ULK4: variants seen among roughly 807,000 people sequenced by gnomAD.
ULK4 encodes unc-51 like kinase 4.
In ULK4, 133 loss-of-function variants were observed where a neutral mutation model predicts 160.6. The observed-to-expected ratio is 0.83, with a 90% CI of 0.72 to 0.96. The LOEUF is 0.96. ULK4 is among the 40% of genes least tolerant of loss of function. The pLI is 0.00. For missense variants in ULK4, 1,580 were observed against 1,499.5 expected (o/e 1.05, Z -0.89); for synonymous variants, 534 against 539.8 (o/e 0.99, Z 0.15).
chr3:41,904,327 G>A (rs1360107920), intron 12 of ULK4, among the ~76,000 whole-genome samples: 4 of 151,974 alleles, frequency 2.6e-5, no homozygotes, highest in Non-Finnish European at 4.4e-5. Flanking sequence ...TACTCAGGAG[G>A]CTGAGATGAG....
At chr3:41,754,566 A>G (rs1017337046) in intron 21 of ULK4, 78 bp from the exon 22 acceptor site, 3 of 1,371,446 alleles carry the variant, frequency 2.2e-6, no homozygotes, top group African/African-American at 1.5e-5. Context: ...TGAACAGACT[A>G]TAATAATCAA....
chr3:41,631,494 C>T (rs1358126740), intron 30 of ULK4, among the ~76,000 whole-genome samples: 2 of 152,186 alleles, frequency 1.3e-5, no homozygotes, highest in Non-Finnish European at 2.9e-5. Context: ...TTAGGGAAAT[C>T]ATCCATTGCC....
At chr3:41,956,162 A>C (rs58402974) in intron 1 of ULK4, among the ~76,000 whole-genome samples, 1,899 of 152,312 alleles carry the variant, frequency 0.012, 35 homozygotes, top group African/African-American at 0.043. Flanking sequence ...TTGGTTTGCA[A>C]CTTTGTAACT....
chr3:41,383,593 G>A (rs753631958), intron 35 of ULK4, among the ~76,000 whole-genome samples: 7 of 152,118 alleles, frequency 4.6e-5, no homozygotes, highest in Non-Finnish European at 8.8e-5. Context: ...TCAGGAAAAC[G>A]CCATAGGAAC....
intron 35 of ULK4, among the ~76,000 whole-genome samples, chr3:41,352,588 C>G (rs1006252090): frequency 6.6e-6 from 1 of 152,172 alleles, no homozygotes; most frequent in African/African-American, 2.4e-5. Flanking sequence ...TCCTCATGCT[C>G]TCAGTCCTGT....
chr3:41,783,570 T>C (rs1447503390), intron 21 of ULK4, among the ~76,000 whole-genome samples: 1 of 151,374 alleles, frequency 6.6e-6, no homozygotes, highest in Non-Finnish European at 1.5e-5. Context: ...GATGGGGTCT[T>C]ATCATGTTGT....
In ULK4 at chr3:41,895,670, G is replaced by T. The variant is rs901402866; in HGVS notation, c.1531-106C>A. 5.5e-6 allele frequency: 3 copies of T among 541,758 alleles called. No individual in the cohort carries two copies. In the African/African-American group the frequency reaches 5.9e-5, roughly 11 times the overall value. The allele number at this position is 541,758 out of a possible 1,614,324, so 33.6% of individuals were successfully genotyped here. A position where few individuals can be genotyped will look rare whatever the true frequency, so the allele number is the denominator to read the frequency against. ...TAACAGCTCAGGACTTTATACAAAG[G>T]AAATTTACACTGTACACCAAAAATG... On this transcript the variant is annotated intron_variant, in intron 15 of 36. Transcript: ENST00000301831.
intron 3 of ULK4, chr3:41,937,126 A>G (rs1340168988): frequency 2.3e-6 from 1 of 443,774 alleles, no homozygotes; most frequent in Non-Finnish European, 4.0e-6. Context: ...AAAGTTGAAT[A>G]TGAATTACTA....
intron 16 of ULK4, among the ~76,000 whole-genome samples, chr3:41,891,798 G>A (rs1299042067): frequency 1.2e-4 from 19 of 152,090 alleles, no homozygotes; most frequent in African/African-American, 4.1e-4. Flanking sequence ...CCAGCTACTC[G>A]GGAGGCTGAA....
intron 32 of ULK4, among the ~76,000 whole-genome samples, chr3:41,528,917 A>G (rs80104297): frequency 0.028 from 4,301 of 152,328 alleles, 183 homozygotes; most frequent in African/African-American, 0.093. Context: ...CATGTACAAC[A>G]AACCCCCGTG....
Position 41,909,869 on chromosome 3 carries a change from T to C in ULK4, c.1085+1448A>G, listed in dbSNP as rs1024050968. On this transcript the variant is annotated intron_variant, in intron 11 of 36. Coordinates refer to ENST00000301831, the MANE Select transcript of ULK4 (RefSeq NM_017886.4). ...AACTATTTCTCTACGTTAAAAAATA[T>C]TTTAAATACTTTAAATATTTACATA... Among the ~76,000 whole-genome samples, 10 of 152,346 alleles carry C rather than the reference T, an allele frequency of 6.6e-5. No individual in the cohort carries two copies. The East Asian group carries it at 1.7e-3, about 26-fold the overall frequency.
At chr3:41,928,842 A>T (rs1032187204) in intron 5 of ULK4, among the ~76,000 whole-genome samples, 1 of 152,178 alleles carries the variant, frequency 6.6e-6, no homozygotes, top group Non-Finnish European at 1.5e-5. Flanking sequence ...TTGAGGCAGT[A>T]ATTAATAGCC....
At chr3:41,394,407 A>C (rs1575507252) in intron 35 of ULK4, among the ~76,000 whole-genome samples, 1 of 152,156 alleles carries the variant, frequency 6.6e-6, no homozygotes, top group African/African-American at 2.4e-5. Flanking sequence ...TAAACCCATC[A>C]TAATGTAAGT....
At chr3:41,398,737 TCAAA>T (rs1293521802) in intron 34 of ULK4, among the ~76,000 whole-genome samples, 1 of 152,004 alleles carries the variant, frequency 6.6e-6, no homozygotes, top group East Asian at 1.9e-4. Context: ...ATGTAGTTGC[TCAAA>T]CAAAGCTAAC....
At chr3:41,876,231 T>C (rs141986395) in intron 17 of ULK4, among the ~76,000 whole-genome samples, 1 of 152,288 alleles carries the variant, frequency 6.6e-6, no homozygotes, top group East Asian at 1.9e-4. Flanking sequence ...AGCACCAAGT[T>C]GTTTCTTATA....
At chr3:41,955,219 G>A (rs1700441796) in intron 1 of ULK4, among the ~76,000 whole-genome samples, 1 of 152,210 alleles carries the variant, frequency 6.6e-6, no homozygotes, top group South Asian at 2.1e-4. Context: ...GAACCCGGGA[G>A]GCGGAGGCTG....
At chr3:41,498,283 G>A (rs1367612441) in intron 32 of ULK4, among the ~76,000 whole-genome samples, 1 of 152,106 alleles carries the variant, frequency 6.6e-6, no homozygotes, top group Admixed American at 6.5e-5. Flanking sequence ...GGGAATTAAG[G>A]AACATGTTTC....
intron 17 of ULK4, among the ~76,000 whole-genome samples, chr3:41,878,542 G>C (rs2125698963): frequency 6.6e-6 from 1 of 152,192 alleles, no homozygotes; most frequent in African/African-American, 2.4e-5. Flanking sequence ...CCAAATAGTT[G>C]ATCAGGGAAA....
intron 35 of ULK4, among the ~76,000 whole-genome samples, chr3:41,348,282 GA>G (rs1575455357): frequency 6.6e-6 from 1 of 150,522 alleles, no homozygotes; most frequent in African/African-American, 2.5e-5. Flanking sequence ...AATGTGAAAG[GA>G]TGAAGTTTTG....
Sources: allele counts gnomAD v4.1 joint callset (sites outside exome capture counted in the v4.1 genomes callset), GRCh38; gene constraint gnomAD v4.1.1; transcripts MANE v1.5; gene names NCBI Gene and HGNC (gene_info 2026-07-23, HGNC 2026-07-21).